PTPRN2: variants seen among roughly 807,000 people sequenced by gnomAD.
PTPRN2 encodes the protein protein tyrosine phosphatase receptor type N2.
In PTPRN2, 74 loss-of-function variants were observed where a neutral mutation model predicts 118.8. That is an observed-to-expected ratio of 0.62 (90% confidence interval 0.52 to 0.76). The LOEUF (loss-of-function observed/expected upper bound fraction) is 0.76. PTPRN2 is among the 30% of genes least tolerant of loss of function. PTPRN2 has a pLI of 0.00. For missense variants in PTPRN2, 1,481 were observed against 1,394.4 expected (o/e 1.06, Z -0.99); for synonymous variants, 641 against 608.0 (o/e 1.05, Z -0.80).
chr7:158,277,662 T>TGCACACGCAGGGG (rs1799113805), intron 3 of PTPRN2, among the ~76,000 whole-genome samples: 1 of 152,150 alleles, frequency 6.6e-6, no homozygotes, highest in African/African-American at 2.4e-5. Context: ...GACATATAGC[T>TGCACACGCAGGGG]CTGGCCTTGC....
intron 3 of PTPRN2, among the ~76,000 whole-genome samples, chr7:158,311,881 A>C (rs1455335643): frequency 1.4e-5 from 2 of 147,088 alleles, no homozygotes; most frequent in East Asian, 4.0e-4. Flanking sequence ...ACACCCACAC[A>C]CCTGCACGTG....
At chr7:158,478,255 G>A (rs2129444734) in intron 2 of PTPRN2, among the ~76,000 whole-genome samples, 1 of 152,354 alleles carries the variant, frequency 6.6e-6, no homozygotes, top group Middle Eastern at 3.4e-3. Flanking sequence ...AAATCAGCCA[G>A]CACTCCTGCA....
chr7:158,508,615 G>A (rs1292271088), intron 1 of PTPRN2, among the ~76,000 whole-genome samples: 1 of 150,878 alleles, frequency 6.6e-6, no homozygotes, highest in African/African-American at 2.4e-5. Flanking sequence ...GGCAACGTGG[G>A]ACGCTCGGAG....
At chr7:157,731,557 T>C (rs377479261) in intron 12 of PTPRN2, among the ~76,000 whole-genome samples, 1,702 of 43,816 alleles carry the variant, frequency 0.039, 5 homozygotes, top group South Asian at 0.061. Context: ...CCCTTTCCCG[T>C]CCCATGCGCC....
At chr7:158,006,273 C>A (rs1382514902) in intron 11 of PTPRN2, among the ~76,000 whole-genome samples, 2 of 152,220 alleles carry the variant, frequency 1.3e-5, no homozygotes, top group African/African-American at 4.8e-5. Flanking sequence ...CTATAGGCAG[C>A]ATGAATGGAA....
rs761937957 is a variant in PTPRN2 at position 157,627,438 on chromosome 7, G to C, written c.2197-5929C>G. 6.6e-6 allele frequency among the ~76,000 whole-genome samples: 1 copy of C among 152,216 alleles called. No homozygotes were observed. The highest frequency in any genetic ancestry group is 1.5e-5 in the Non-Finnish European group (1 of 68,042). ...AAACAGGGAGCGAAGAATTGGTGGT[G>C]AATCTCAGTCGATGCAGGCTGAAGT... On this transcript the variant is annotated intron_variant, in intron 14 of 22. Transcript: ENST00000389418. This position sits in a 1 kb window ranked among gnomAD's most constrained non-coding sequence, Gnocchi z 4.2.
At chr7:158,014,790 C>T (rs1406060199) in intron 11 of PTPRN2, among the ~76,000 whole-genome samples, 5 of 151,982 alleles carry the variant, frequency 3.3e-5, no homozygotes, top group African/African-American at 1.2e-4. Flanking sequence ...TCCCTCCACA[C>T]ATTCATCCAT....
At chr7:157,873,660 C>T (rs1000842269) in intron 12 of PTPRN2, among the ~76,000 whole-genome samples, 5 of 135,196 alleles carry the variant, frequency 3.7e-5, no homozygotes, top group East Asian at 5.5e-4. Context: ...GGGAGGAGAA[C>T]GTACTGTCCT....
Position 158,579,712 on chromosome 7 carries a change from C to A in PTPRN2, c.112+7846G>T, listed in dbSNP as rs559181227. 5.3e-5 allele frequency among the ~76,000 whole-genome samples: 8 copies of A among 152,362 alleles called. No homozygotes were observed. In the South Asian group the frequency reaches 1.7e-3, roughly 32 times the overall value. Reference sequence around the variant, plus strand: ...CTACCATATTTGCAGAAATCACCAGCAGTTTCTGACTCTGCTAGAATCCTC... The same window carrying A: ...CTACCATATTTGCAGAAATCACCAGAAGTTTCTGACTCTGCTAGAATCCTC... On this transcript the variant is annotated intron_variant, in intron 1 of 22. Coordinates refer to ENST00000389418, the MANE Select transcript of PTPRN2 (RefSeq NM_002847.5).
At chr7:158,149,517 A>G (rs1253103803) in intron 6 of PTPRN2, among the ~76,000 whole-genome samples, 2 of 152,148 alleles carry the variant, frequency 1.3e-5, no homozygotes, top group African/African-American at 4.8e-5. Flanking sequence ...TAAAAAGATA[A>G]GCCCGGCTGG....
chr7:157,939,119 A>G (rs1024643930), intron 11 of PTPRN2, among the ~76,000 whole-genome samples: 1 of 152,084 alleles, frequency 6.6e-6, no homozygotes, highest in Non-Finnish European at 1.5e-5. Context: ...TTACAGTCAG[A>G]TACAGTAAAG....
intron 12 of PTPRN2, among the ~76,000 whole-genome samples, chr7:157,891,059 G>A (rs915424145): frequency 6.6e-6 from 1 of 151,524 alleles, no homozygotes; most frequent in African/African-American, 2.4e-5. Context: ...CCTCTGTCCC[G>A]TCCTCTCCTG....
At chr7:157,945,581 A>G (rs1387430787) in intron 11 of PTPRN2, among the ~76,000 whole-genome samples, 2 of 152,082 alleles carry the variant, frequency 1.3e-5, no homozygotes, top group African/African-American at 2.4e-5. Flanking sequence ...TGCCACCTCC[A>G]ACTTGGACAA....
chr7:157,675,837 G>A (rs553348865), intron 13 of PTPRN2, among the ~76,000 whole-genome samples: 2 of 152,320 alleles, frequency 1.3e-5, no homozygotes, highest in South Asian at 2.1e-4. Context: ...GGCGGCCTTC[G>A]GGAGGGAGGG....
At chr7:158,110,988 C>A (rs1816209822) in intron 9 of PTPRN2, 73 bp from the exon 10 acceptor site, 1 of 1,307,338 alleles carries the variant, frequency 7.6e-7, no homozygotes, top group African/African-American at 1.5e-5. Context: ...GCCCTGTGGC[C>A]CCACAGCCCC....
chr7:158,245,774 C>A (rs1437961622), intron 3 of PTPRN2, among the ~76,000 whole-genome samples: 1 of 152,164 alleles, frequency 6.6e-6, no homozygotes, highest in Non-Finnish European at 1.5e-5. Context: ...GATGTGGAAG[C>A]AGCCGGCTCA....
At chr7:158,356,114 G>C in intron 2 of PTPRN2, among the ~76,000 whole-genome samples, 1 of 152,122 alleles carries the variant, frequency 6.6e-6, no homozygotes, top group East Asian at 1.9e-4. Flanking sequence ...TGGTATTTAA[G>C]TAAATGATTA....
chr7:158,563,243 T>C lies in PTPRN2; in HGVS notation c.112+24315A>G, dbSNP rs1392350802. Among the ~76,000 whole-genome samples, 1 of 152,222 alleles carries C rather than the reference T, an allele frequency of 6.6e-6. No homozygotes were observed. The highest frequency in any genetic ancestry group is 1.5e-5 in the Non-Finnish European group (1 of 68,036). ...CGAGACCTTGTCCAGGGTCCTAAAA[T>C]GGCTTCTTGGAAAATATGAAATTGC... On this transcript the variant is annotated intron_variant, in intron 1 of 22. Coordinates refer to ENST00000389418, the MANE Select transcript of PTPRN2 (RefSeq NM_002847.5). This position sits in a 1 kb window ranked among gnomAD's most constrained non-coding sequence, Gnocchi z 5.1.
chr7:158,587,588 G>A lies in PTPRN2; in HGVS notation c.82C>T (p.Pro28Ser). 1.5e-6 allele frequency: 2 copies of A among 1,340,188 alleles called. No individual in the cohort carries two copies. The highest frequency in any genetic ancestry group is 1.9e-5 in the South Asian group (1 of 53,416). 83.0% of individuals were successfully genotyped at this position (1,340,188 alleles called of 1,614,324 possible). The change falls in exon 1 of 23, where the codon CCC (proline) becomes TCC (serine). Residue 28 changes from proline (P) to serine (S), a missense_variant. Around this residue, in one of 3 missense-constraint regions of PTPRN2, gnomAD observed 1,115 missense variants for 994.2 expected, o/e 1.12. Coordinates refer to ENST00000389418, the MANE Select transcript of PTPRN2 (RefSeq NM_002847.5). ...CGCCCCGGGAGCTGCCGGCCGCGGGGGACGGACGAAGGGGCGGCAGGCAGG... is the reference window on the plus strand; with the variant it reads ...CGCCCCGGGAGCTGCCGGCCGCGGGAGACGGACGAAGGGGCGGCAGGCAGG... ...RVLPAAPSSV[P>S]RGRQLPGRLG...
Sources: gnomAD v4.1 joint callset for allele counts (sites outside exome capture counted in the v4.1 genomes callset) on GRCh38, gnomAD v4.1.1 for gene constraint, gnomAD v4.1.1 regional missense constraint, Gnocchi (gnomAD v3.1) non-coding constraint, MANE v1.5 for transcripts, NCBI Gene and HGNC (gene_info 2026-07-23, HGNC 2026-07-21) for gene names.